KDM5D: variants seen among roughly 807,000 people sequenced by gnomAD.
The protein encoded by KDM5D is lysine demethylase 5D, also known as lysine-specific demethylase 5D.
Under a neutral mutation model 31.9 loss-of-function variants are expected in KDM5D, and 25 were observed. The observed-to-expected ratio is 0.78, with a 90% CI of 0.57 to 1.09. The LOEUF (loss-of-function observed/expected upper bound fraction) is 1.09, where lower values mean the gene tolerates loss of function less well. Ranked by LOEUF, KDM5D falls within the 50% of genes least tolerant of loss-of-function variation. The pLI is 0.00. For missense variants in KDM5D, 366 were observed against 341.6 expected, an observed-to-expected ratio of 1.07 and a Z score of -0.56; for synonymous variants, 146 against 122.3, an observed-to-expected ratio of 1.19 and a Z score of -1.28.
intron 11 of KDM5D, among the ~76,000 whole-genome samples, chrY:19,728,408 G>T: frequency 3.0e-5 from 1 of 32,869 alleles, no homozygotes; most frequent in Non-Finnish European, 7.5e-5. Context: ...ACCCAGGCTG[G>T]ACTGCAATGG....
chrY:19,734,184 A>T (rs1603545995), intron 8 of KDM5D, among the ~76,000 whole-genome samples: 2 of 33,809 alleles, frequency 5.9e-5, no homozygotes, highest in South Asian at 1.3e-3. Flanking sequence ...AGTCACAGCA[A>T]TTCTATCCTG....
rs1050677887 is a variant in KDM5D, at chrY:19,705,078, T to A, written c.*917A>T. 8 of 33,846 alleles carry A rather than the reference T, an allele frequency of 2.4e-4. No homozygotes were observed. The highest frequency in any genetic ancestry group is 2.1e-3 in the Admixed American group (8 of 3,761). 8.4% of individuals were successfully genotyped at this position (33,846 alleles called of 400,897 possible). A position where few individuals can be genotyped will look rare whatever the true frequency, so the allele number is the denominator to read the frequency against. On this transcript the variant is annotated 3_prime_UTR_variant, in exon 27 of 27. Coordinates refer to ENST00000317961, the MANE Select transcript of KDM5D (RefSeq NM_004653.5). ...TATAAAGCGACTGTAACCAAGACATTGTGATCTGGCCACAGGGGACAGACA... is the reference window on the plus strand; with the variant it reads ...TATAAAGCGACTGTAACCAAGACATAGTGATCTGGCCACAGGGGACAGACA...
chrY:19,718,739 A>T, intron 13 of KDM5D, among the ~76,000 whole-genome samples: 2 of 34,192 alleles, frequency 5.8e-5, no homozygotes, highest in African/African-American at 2.3e-4. Context: ...AAATTTACTA[A>T]CCAAACAACA....
chrY:19,713,499 A>G, intron 18 of KDM5D, among the ~76,000 whole-genome samples: 1 of 33,733 alleles, frequency 3.0e-5, no homozygotes, highest in Non-Finnish European at 7.3e-5. Context: ...ATAAACAGAC[A>G]CTTTTCAAAC....
At chrY:19,717,541 A>G in intron 13 of KDM5D, among the ~76,000 whole-genome samples, 1 of 33,174 alleles carries the variant, frequency 3.0e-5, no homozygotes, top group African/African-American at 1.2e-4. Flanking sequence ...GAGACTAGAA[A>G]AACAACAGAT....
At chrY:19,724,531 A>G in intron 11 of KDM5D, among the ~76,000 whole-genome samples, 1 of 32,849 alleles carries the variant, frequency 3.0e-5, no homozygotes, top group Non-Finnish European at 7.5e-5. Context: ...CCTGCTAAAA[A>G]CTCTCAATAA....
At chrY:19,728,805 T>G in intron 11 of KDM5D, among the ~76,000 whole-genome samples, 2 of 33,615 alleles carry the variant, frequency 5.9e-5, no homozygotes, top group African/African-American at 2.3e-4. Flanking sequence ...GCAAAAAGCT[T>G]TAAAAACATG....
intron 13 of KDM5D, among the ~76,000 whole-genome samples, chrY:19,717,392 G>C: frequency 3.1e-5 from 1 of 32,711 alleles, no homozygotes; most frequent in Non-Finnish European, 7.5e-5. Context: ...TCACCTGCCT[G>C]ACAGTTCGCT....
intron 11 of KDM5D, among the ~76,000 whole-genome samples, chrY:19,726,715 A>T: frequency 3.0e-5 from 1 of 33,495 alleles, no homozygotes; most frequent in African/African-American, 1.2e-4. Context: ...ATTAAAAAAT[A>T]AATAAATAAA....
intron 5 of KDM5D, 32 bp from the exon 6 acceptor site, chrY:19,739,694 T>C (rs2045535789): frequency 3.0e-6 from 1 of 331,375 alleles, no homozygotes; most frequent in Non-Finnish European, 4.3e-6. Flanking sequence ...GAATCAGAAA[T>C]TGAGTCATAT....
chrY:19,741,953 A>G, intron 3 of KDM5D, 96 bp from the exon 4 acceptor site: 1 of 190,971 alleles, frequency 5.2e-6, no homozygotes, highest in Non-Finnish European at 8.2e-6. Flanking sequence ...TGCTATCTAC[A>G]CTTCTCCACC....
intron 11 of KDM5D, among the ~76,000 whole-genome samples, chrY:19,725,996 T>G: frequency 3.0e-5 from 1 of 33,700 alleles, no homozygotes; most frequent in African/African-American, 1.2e-4. Context: ...AAAACCACAA[T>G]GAAATACCAT....
Position 19,739,636 on chromosome Y carries a change from A to T in KDM5D, c.549T>A (p.Asn183Lys). 2.5e-6 allele frequency: 1 copy of T among 394,302 alleles called. No homozygotes were observed. Among genetic ancestry groups the T allele is most frequent in the Non-Finnish European group, 3.6e-6 (1 of 280,138 alleles). Residue 183 changes from asparagine to lysine, a missense_variant, in exon 6 of 27, where the codon AAT becomes AAA. Physicochemically the swap from Asn to Lys is moderately conservative, Grantham distance 94. Transcript: ENST00000317961. ...GCTTGTATTCCTTATCTTTTACCTC[A>T]TTGTCAAACGGGTGTGTGTTACATT... is the stretch of plus-strand genomic sequence containing the variant. ...HVQCNTHPFD[N>K]EVKDKEYKPH...
intron 11 of KDM5D, among the ~76,000 whole-genome samples, chrY:19,723,946 A>C (rs1046361502): frequency 2.9e-5 from 1 of 33,916 alleles, no homozygotes; most frequent in Non-Finnish European, 7.3e-5. Flanking sequence ...AAACTTATAC[A>C]AATCAACAAA....
intron 11 of KDM5D, chrY:19,722,585 C>T: frequency 3.1e-5 from 1 of 31,992 alleles, no homozygotes; most frequent in African/African-American, 1.2e-4. Context: ...GAAACATCAA[C>T]AGAATAAGGC....
Position 19,715,428 on chromosome Y carries a change from G to A in KDM5D, c.2410C>T (p.Arg804Ter), listed in dbSNP as rs748348134. The A allele has an allele frequency of 2.5e-6, 1 of 397,295 alleles. No individual in the cohort carries two copies. Among genetic ancestry groups the A allele is most frequent in the Non-Finnish European group, 3.5e-6 (1 of 282,438 alleles). ...ACCTCACTCAGGCAGTTCTTCAGTC[G>A]CTGAAGCAGCTCACTATTAGGAAAC... ...RRFPNSELLQ[R>*]LKNCLSEVEA... The change falls in exon 18 of 27, where the codon CGA becomes TGA. Residue 804 changes from arginine (R) to a stop codon, truncating the protein, a stop_gained. Coordinates refer to ENST00000317961, the MANE Select transcript of KDM5D (RefSeq NM_004653.5). LOFTEE classifies it high-confidence loss of function.
intron 13 of KDM5D, 82 bp from the exon 14 acceptor site, chrY:19,716,797 G>T: frequency 3.7e-6 from 1 of 269,977 alleles, no homozygotes; most frequent in East Asian, 9.9e-5. Flanking sequence ...TCTAGATGCT[G>T]TAACAGATGT....
chrY:19,734,583 C>A (rs2045495200), intron 8 of KDM5D, among the ~76,000 whole-genome samples: 1 of 33,747 alleles, frequency 3.0e-5, no homozygotes, highest in South Asian at 6.5e-4. Flanking sequence ...CACTTCCAGA[C>A]TGATGACAGC....
chrY:19,721,537 G>A (rs2045395574), intron 11 of KDM5D: 1 of 100,370 alleles, frequency 1.0e-5, no homozygotes, highest in African/African-American at 9.9e-5. Context: ...GGCAGGAAAA[G>A]AAATTAAAAA....
Sources: gnomAD v4.1 joint callset for allele counts (sites outside exome capture counted in the v4.1 genomes callset) on GRCh38, gnomAD v4.1.1 for gene constraint, MANE v1.5 for transcripts, NCBI Gene and HGNC (gene_info 2026-07-23, HGNC 2026-07-21) for gene names.